Variants in PDE11A observed in about 807,000 individuals in gnomAD.
The protein encoded by PDE11A is dual 3',5'-cyclic-AMP and -GMP phosphodiesterase 11A.
A neutral mutation model predicts 100.5 loss-of-function variants in PDE11A; 100 were observed. The ratio of observed to expected loss-of-function variants is 1.00; its 90% CI spans 0.85 to 1.18. PDE11A has a LOEUF of 1.18. PDE11A is among the 50% of genes most tolerant of loss of function. The pLI is 0.00. For synonymous variants in PDE11A, 381 were observed against 420.8 expected, an observed-to-expected ratio of 0.91 and a Z score of 1.16; for missense variants, 1,141 against 1,152.6, an observed-to-expected ratio of 0.99 and a Z score of 0.15.
intron 2 of PDE11A, chr2:178,104,224 A>C (rs1459169614): frequency 7.9e-6 from 11 of 1,399,386 alleles, no homozygotes; most frequent in African/African-American, 5.7e-5. Context: ...AAATTAGGAA[A>C]TTATTATAAT....
At chr2:177,981,083 G>C (rs994027835) in intron 2 of PDE11A, among the ~76,000 whole-genome samples, 4 of 150,198 alleles carry the variant, frequency 2.7e-5, no homozygotes, top group Non-Finnish European at 6.0e-5. Flanking sequence ...ATAGCTGTGT[G>C]ATCTTGGGCA....
chr2:177,919,722 C>T, intron 2 of PDE11A, among the ~76,000 whole-genome samples: 1 of 151,674 alleles, frequency 6.6e-6, no homozygotes, highest in East Asian at 1.9e-4. Flanking sequence ...ATATCAATTA[C>T]CTGTCCAAAT....
intron 19 of PDE11A, among the ~76,000 whole-genome samples, chr2:177,630,157 AGT>A (rs1338680405): frequency 6.6e-6 from 1 of 152,136 alleles, no homozygotes; most frequent in African/African-American, 2.4e-5. Context: ...TGTGGAAGAG[AGT>A]GACAGAGGGA....
At chr2:177,989,171 T>C (rs1344321221) in intron 2 of PDE11A, among the ~76,000 whole-genome samples, 2 of 152,208 alleles carry the variant, frequency 1.3e-5, no homozygotes, top group African/African-American at 4.8e-5. Context: ...TTGATAGTTT[T>C]AGTGCCTCTA....
chr2:177,664,791 G>A (rs1464553210), intron 18 of PDE11A, among the ~76,000 whole-genome samples: 2 of 152,128 alleles, frequency 1.3e-5, no homozygotes, highest in African/African-American at 4.8e-5. Context: ...GGGCTATCTA[G>A]TTATAACTTG....
At chr2:177,943,313 G>C (rs1428849418) in intron 2 of PDE11A, among the ~76,000 whole-genome samples, 1 of 152,158 alleles carries the variant, frequency 6.6e-6, no homozygotes. Flanking sequence ...TTCCAGAGCA[G>C]GTGCACCATT....
At chr2:178,058,581 T>A (rs1448853565) in intron 1 of PDE11A, among the ~76,000 whole-genome samples, 1 of 152,202 alleles carries the variant, frequency 6.6e-6, no homozygotes, top group Non-Finnish European at 1.5e-5. Flanking sequence ...CTTCCCAGTC[T>A]CGGGTATGTC....
At chr2:178,049,734 C>A (rs1268981870) in intron 1 of PDE11A, among the ~76,000 whole-genome samples, 2 of 152,182 alleles carry the variant, frequency 1.3e-5, no homozygotes, top group Non-Finnish European at 2.9e-5. Context: ...GTCCCACACC[C>A]ACGGAGTCTT....
Position 177,626,198 on chromosome 2 carries a change from C to A in PDE11A, c.*3209G>T, listed in dbSNP as rs1038179117. The A allele has an allele frequency of 3.3e-5, 5 of 152,614 alleles. No homozygotes were observed. The highest frequency in any genetic ancestry group is 7.3e-5 in the Non-Finnish European group (5 of 68,040). The allele number at this position is 152,614 out of a possible 1,614,324, so 9.5% of individuals were successfully genotyped here. On this transcript the variant is annotated 3_prime_UTR_variant, in exon 20 of 20. Transcript: ENST00000286063. ...GGGTTTATGCTATAAATTATGTTCC[C>A]CTTAGCAATATGTAGCATCAATGTT...
intron 6 of PDE11A, among the ~76,000 whole-genome samples, chr2:177,820,926 T>C (rs965073350): frequency 6.6e-6 from 1 of 151,800 alleles, no homozygotes; most frequent in African/African-American, 2.4e-5. Context: ...ACAAACTCCA[T>C]TTAATATTAA....
chr2:177,741,392 A>G (rs1188453584), intron 10 of PDE11A, among the ~76,000 whole-genome samples: 1 of 152,158 alleles, frequency 6.6e-6, no homozygotes, highest in Non-Finnish European at 1.5e-5. Flanking sequence ...TAAAACCCCT[A>G]TCTCCAAATA....
At chr2:177,843,115 C>G (rs2083517769) in intron 5 of PDE11A, among the ~76,000 whole-genome samples, 1 of 152,168 alleles carries the variant, frequency 6.6e-6, no homozygotes, top group South Asian at 2.1e-4. Flanking sequence ...GGCCAAGGGT[C>G]AGGCCAGATA....
At chr2:177,797,094 C>T (rs2082717392) in intron 9 of PDE11A, 1 of 152,188 alleles carries the variant, frequency 6.6e-6, no homozygotes, top group Admixed American at 6.5e-5. Flanking sequence ...ATTATTTACC[C>T]TTAATTACTG....
At chr2:178,060,794 C>A (rs1234067574) in intron 1 of PDE11A, among the ~76,000 whole-genome samples, 2 of 151,574 alleles carry the variant, frequency 1.3e-5, no homozygotes, top group South Asian at 2.1e-4. Flanking sequence ...TTCATCCAAC[C>A]CTCTAGTTGG....
At chr2:177,972,915 T>C (rs2085790270) in intron 2 of PDE11A, among the ~76,000 whole-genome samples, 1 of 152,182 alleles carries the variant, frequency 6.6e-6, no homozygotes, top group Admixed American at 6.5e-5. Context: ...AGGGAAGTTG[T>C]GCCTATGATA....
intron 13 of PDE11A, among the ~76,000 whole-genome samples, chr2:177,705,992 T>C (rs1284753594): frequency 6.6e-6 from 1 of 152,186 alleles, no homozygotes; most frequent in African/African-American, 2.4e-5. Flanking sequence ...ACGCTGTCCC[T>C]AGAGAAAACA....
At chr2:178,102,377 G>A (rs1327646863) in intron 2 of PDE11A, among the ~76,000 whole-genome samples, 1 of 149,704 alleles carries the variant, frequency 6.7e-6, no homozygotes, top group Non-Finnish European at 1.5e-5. Flanking sequence ...TGCCAACCTC[G>A]GCCTCCCAAA....
chr2:178,032,613 C>A (rs2086563226), intron 1 of PDE11A, among the ~76,000 whole-genome samples: 1 of 152,192 alleles, frequency 6.6e-6, no homozygotes, highest in Non-Finnish European at 1.5e-5. Context: ...GGAGAAACCT[C>A]CCAACAGGGG....
intron 2 of PDE11A, among the ~76,000 whole-genome samples, chr2:177,969,234 C>T (rs972517471): frequency 2.0e-5 from 3 of 151,994 alleles, no homozygotes; most frequent in Non-Finnish European, 4.4e-5. Flanking sequence ...CACATGGACA[C>T]AGGGAGGGGA....
Sources: allele counts gnomAD v4.1 joint callset (sites outside exome capture counted in the v4.1 genomes callset), GRCh38; gene constraint gnomAD v4.1.1; transcripts MANE v1.5; gene names NCBI Gene and HGNC (gene_info 2026-07-23, HGNC 2026-07-21).